ELP5: variants seen among roughly 807,000 people sequenced by gnomAD.
The protein encoded by ELP5 is elongator complex protein 5.
Under a neutral mutation model 33.4 loss-of-function variants are expected in ELP5, and 34 were observed. The ratio of observed to expected loss-of-function variants is 1.02; its 90% CI spans 0.78 to 1.36. The LOEUF is 1.36. Ranked by LOEUF, ELP5 falls within the 40% of genes most tolerant of loss-of-function variation. The probability of loss-of-function intolerance (pLI) is 0.00; values close to 1 mark genes in which losing one functional copy is unlikely to be tolerated. For synonymous variants in ELP5, 161 were observed against 146.4 expected, an observed-to-expected ratio of 1.10 and a Z score of -0.72; for missense variants, 373 against 371.7, an observed-to-expected ratio of 1.00 and a Z score of -0.03.
intron 4 of ELP5, among the ~76,000 whole-genome samples, chr17:7,256,220 G>A (rs2143000954): frequency 6.6e-6 from 1 of 152,076 alleles, no homozygotes; most frequent in Admixed American, 6.5e-5. Flanking sequence ...GTGGTGGCAC[G>A]CGCCTGTAGT....
chr17:7,252,688 G>C, intron 1 of ELP5, 82 bp from the exon 2 acceptor site: 1 of 1,608,680 alleles, frequency 6.2e-7, no homozygotes, highest in South Asian at 1.1e-5. Context: ...GGGGTCACAG[G>C]CTAGGTGTGG....
Position 7,252,574 on chromosome 17 carries a change from G to C in ELP5, c.24G>C (p.Leu8Phe), listed in dbSNP as rs1220614228. 6.2e-7 allele frequency: 1 copy of C among 1,613,166 alleles called. No individual in the cohort carries two copies. Among genetic ancestry groups the C allele is most frequent in the African/African-American group, 1.3e-5 (1 of 74,930 alleles). The change falls in exon 1 of 8, where the codon TTG becomes TTC. Residue 8 changes from leucine (L) to phenylalanine (F), a missense_variant. Coordinates refer to ENST00000396628, the MANE Select transcript of ELP5 (RefSeq NM_203414.3). MLDSLLA[L>F]GGLVLLRDSV... ...AGATGTTGGACTCGCTGTTGGCCTT[G>C]GGCGGCCTGGTGCTGCTTCGGGGTG... is the stretch of plus-strand genomic sequence containing the variant.
intron 5 of ELP5, among the ~76,000 whole-genome samples, chr17:7,257,294 A>G (rs1366945746): frequency 1.3e-5 from 2 of 152,106 alleles, no homozygotes; most frequent in Non-Finnish European, 2.9e-5. Flanking sequence ...TTTTTTAAAA[A>G]AAGCTGATTT....
Position 7,252,505 on chromosome 17 carries a change from G to A in ELP5, c.-46G>A, listed in dbSNP as rs2071958806. ...CCGAGGAGGAAGGACACTGGGTCATGACGCCATCAGAGGGCGCCAGAGCAG... is the reference window on the plus strand; with the variant it reads ...CCGAGGAGGAAGGACACTGGGTCATAACGCCATCAGAGGGCGCCAGAGCAG... On this transcript the variant is annotated 5_prime_UTR_variant, in exon 1 of 8. The change abolishes an upstream ATG in the 5' untranslated region. Transcript: ENST00000396628. 6.2e-7 allele frequency: 1 copy of A among 1,613,596 alleles called. No individual in the cohort carries two copies. Among genetic ancestry groups the A allele is most frequent in the East Asian group, 2.2e-5 (1 of 44,878 alleles).
In ELP5 at chr17:7,258,628, T is replaced by A; in HGVS notation, c.632T>A (p.Leu211His). Residue 211 changes from leucine to histidine, a missense_variant, in exon 6 of 8, where the codon CTC becomes CAC. Transcript: ENST00000396628. ...ATCCTTCCGGACTTCAGCCTGGATCTCCAAGAGGGGCCCTCTGTAGAGTCC... is the reference window on the plus strand; with the variant it reads ...ATCCTTCCGGACTTCAGCCTGGATCACCAAGAGGGGCCCTCTGTAGAGTCC... ...FSILPDFSLD[L>H]QEGPSVESQP... The A allele has an allele frequency of 6.2e-7, 1 of 1,614,160 alleles. No homozygotes were observed. The highest frequency in any genetic ancestry group is 8.5e-7 in the Non-Finnish European group (1 of 1,180,034).
rs761392539 is a variant in ELP5 at position 7,252,639 on chromosome 17, G to C, written c.46+43G>C. The C allele has an allele frequency of 5.0e-6, 8 of 1,603,904 alleles. No homozygotes were observed. The Admixed American group carries it at 6.8e-5, about 14-fold the overall frequency. On this transcript the variant is annotated intron_variant, in intron 1 of 7. Transcript: ENST00000396628. ...GGTGGCGGGGCGGGGGGTGCGGTTC[G>C]GGCCTGGCTGAGGGGACGGAAGTGG...
At chr17:7,259,138 G>T in intron 7 of ELP5, 1 of 1,420,408 alleles carries the variant, frequency 7.0e-7, no homozygotes, top group Non-Finnish European at 9.2e-7. Context: ...TTGGGTCACA[G>T]CTCCAGTTGT....
chr17:7,254,127 A>C (rs1378380308), intron 3 of ELP5, among the ~76,000 whole-genome samples: 1 of 152,110 alleles, frequency 6.6e-6, no homozygotes, highest in Non-Finnish European at 1.5e-5. Context: ...TCTTGACTTA[A>C]TTCTTGACTT....
chr17:7,257,411 G>A (rs2072101540), intron 5 of ELP5, among the ~76,000 whole-genome samples: 1 of 150,380 alleles, frequency 6.6e-6, no homozygotes, highest in African/African-American at 2.5e-5. Context: ...CCAGTCCAGG[G>A]AGGGTTTTAT....
intron 5 of ELP5, among the ~76,000 whole-genome samples, 167 bp downstream of exon 5, chr17:7,257,205 A>C (rs367181): frequency 0.52 from 78,771 of 151,978 alleles, 21,073 homozygotes; most frequent in Middle Eastern, 0.67. Context: ...TTCTGGGCTC[A>C]AGTGATCCTT....
chr17:7,259,248 G>A lies in ELP5; in HGVS notation c.788+322G>A, dbSNP rs116335704. The A allele has an allele frequency of 2.2e-3, 3,081 of 1,370,538 alleles. 55 individuals carry two copies. The African/African-American group carries it at 0.038, about 17-fold the overall frequency. The allele number at this position is 1,370,538 out of a possible 1,614,324, so 84.9% of individuals were successfully genotyped here. On this transcript the variant is annotated intron_variant, in intron 7 of 7. Transcript: ENST00000396628. ...TAGGAGGACAGAAGGCTATATGGGCGTGGCAGAGGCTGGTTAACAAGGGCT... is the reference window on the plus strand; with the variant it reads ...TAGGAGGACAGAAGGCTATATGGGCATGGCAGAGGCTGGTTAACAAGGGCT...
Position 7,256,967 on chromosome 17 carries a change from C to T in ELP5, c.520C>T (p.Leu174=). ...LSSLAQTEVT[L]GGTMGQASAH... ...CAGCCTTGCTCAGACTGAGGTGACC[C>T]TGGGCGGTACCATGGGCCAGGCCTC... Residue 174 remains leucine, a synonymous_variant, in exon 5 of 8, where the codon CTG becomes TTG. Coordinates refer to ENST00000396628, the MANE Select transcript of ELP5 (RefSeq NM_203414.3). 2.5e-6 allele frequency: 4 copies of T among 1,613,224 alleles called. No homozygotes were observed. The highest frequency in any genetic ancestry group is 3.4e-6 in the Non-Finnish European group (4 of 1,179,948).
chr17:7,258,680 C>A lies in ELP5; in HGVS notation c.684C>A (p.Pro228=). ...AGCCCTACTCCGATCCTCATATACC[C>A]CCGGTATCTAAGAATGCCAAGGCCA... is the stretch of plus-strand genomic sequence containing the variant. ...ESQPYSDPHI[P]PVDPTTHLTF... The change falls in exon 6 of 8, where the codon CCC becomes CCA. Residue 228 remains proline, a synonymous_variant. Transcript: ENST00000396628. 3.1e-6 allele frequency: 5 copies of A among 1,614,082 alleles called. No individual in the cohort carries two copies. Among genetic ancestry groups the A allele is most frequent in the Non-Finnish European group, 4.2e-6 (5 of 1,180,008 alleles).
rs2071955076 is a variant in ELP5 at position 7,252,394 on chromosome 17, G to T, written c.-157G>T. On this transcript the variant is annotated 5_prime_UTR_variant, in exon 1 of 8. Coordinates refer to ENST00000396628, the MANE Select transcript of ELP5 (RefSeq NM_203414.3). ...CGCCCTCCGCGTGAGCGCCCCCCTGGGAATATTGAACATAATCACCTCTCA... is the reference window on the plus strand; with the variant it reads ...CGCCCTCCGCGTGAGCGCCCCCCTGTGAATATTGAACATAATCACCTCTCA... 1.7e-6 allele frequency: 2 copies of T among 1,179,908 alleles called. No homozygotes were observed. The highest frequency in any genetic ancestry group is 2.6e-5 in the South Asian group (2 of 76,130). The allele number at this position is 1,179,908 out of a possible 1,614,324, so 73.1% of individuals were successfully genotyped here. A position where few individuals can be genotyped will look rare whatever the true frequency, so the allele number is the denominator to read the frequency against.
chr17:7,255,444 C>T (rs1032173975), intron 4 of ELP5, among the ~76,000 whole-genome samples: 7 of 151,568 alleles, frequency 4.6e-5, no homozygotes, highest in African/African-American at 1.5e-4. Context: ...AGGAGAATGG[C>T]GTGAACCCGG....
chr17:7,252,872 GCA>G (rs2071979738), intron 2 of ELP5, 42 bp downstream of exon 2: 1 of 1,613,914 alleles, frequency 6.2e-7, no homozygotes, highest in Non-Finnish European at 8.5e-7. Context: ...CCTGGATAGG[GCA>G]CCTGTGCCCA....
chr17:7,252,882 C>G (rs2071980005), intron 2 of ELP5, 36 bp from the exon 3 acceptor site: 1 of 1,614,028 alleles, frequency 6.2e-7, no homozygotes, highest in African/African-American at 1.3e-5. Context: ...GCACCTGTGC[C>G]CACTCTTTGA....
rs370612549 is a variant in ELP5, at chr17:7,258,573, C to A, written c.592-15C>A. On this transcript the variant is annotated splice_polypyrimidine_tract_variant and intron_variant, in intron 5 of 7. Transcript: ENST00000396628. ...TCAGTAAGATGAAAAAAACTCTTTT[C>A]TTTTTTCTCTCCAGACTCAGTGGTT... 2 of 1,611,614 alleles carry A rather than the reference C, an allele frequency of 1.2e-6. No individual in the cohort carries two copies.
intron 4 of ELP5, among the ~76,000 whole-genome samples, chr17:7,255,652 C>T (rs2072059795): frequency 1.3e-5 from 2 of 152,146 alleles, no homozygotes; most frequent in African/African-American, 4.8e-5. Flanking sequence ...AGTCAGACGC[C>T]CAGCTTTGTA....
Sources: gnomAD v4.1 joint callset for allele counts (sites outside exome capture counted in the v4.1 genomes callset) on GRCh38, gnomAD v4.1.1 for gene constraint, MANE v1.5 for transcripts, NCBI Gene and HGNC (gene_info 2026-07-23, HGNC 2026-07-21) for gene names.